The following ZNF324B variants were observed in gnomAD, a reference collection of about 807,000 sequenced individuals.
ZNF324B encodes zinc finger protein 324B.
A neutral mutation model predicts 10.6 loss-of-function variants in ZNF324B; 7 were observed. The observed-to-expected ratio is 0.66, with a 90% CI of 0.38 to 1.24. The LOEUF (loss-of-function observed/expected upper bound fraction) is 1.24, where lower values mean the gene tolerates loss of function less well. Among genes scored for constraint, ZNF324B ranks in the 50% most tolerant of loss-of-function variants. The pLI, the probability that ZNF324B is intolerant of heterozygous loss-of-function variation, is 0.02. For missense variants in ZNF324B, 640 were observed against 764.7 expected, an observed-to-expected ratio of 0.84 and a Z score of 1.92; for synonymous variants, 316 against 321.0, an observed-to-expected ratio of 0.98 and a Z score of 0.17.
At chr19:58,426,031 T>C in the ZNF324B span, among the ~76,000 whole-genome samples, 2 of 152,204 alleles carry the variant, frequency 1.3e-5, no homozygotes, top group Non-Finnish European at 2.9e-5. Flanking sequence ...ATTGAGGGTA[T>C]AGTGATTCCT....
the ZNF324B span, chr19:58,432,948 G>A: frequency 6.0e-6 from 1 of 166,268 alleles, no homozygotes; most frequent in Non-Finnish European, 1.3e-5. Context: ...CACAAGGAAT[G>A]TGCATCTTCC....
chr19:58,445,550 T>C, the ZNF324B span: 4 of 508,208 alleles, frequency 7.9e-6, no homozygotes, highest in African/African-American at 7.8e-5. Flanking sequence ...GTGTGGTGGC[T>C]CATGCCTGTA....
intron 3 of ZNF324B, chr19:58,454,915 C>A (rs1197974976): frequency 1.6e-6 from 1 of 611,484 alleles, no homozygotes; most frequent in African/African-American, 1.8e-5. Context: ...GGGTGGCACG[C>A]AGCAGCTGCT....
chr19:58,456,178 C>T lies in ZNF324B; in HGVS notation c.1234C>T (p.Leu412Phe), dbSNP rs2052918621. ...TGCTGCCTTCAGCCAGGGCTCCTCG[C>T]TCTTTTTGCACCAGCGCGTGCACAC... ...CGAAFSQGSS[L>F]FLHQRVHTGE... The change falls in exon 4 of 4, where the codon CTC (leucine) becomes TTC (phenylalanine). Residue 412 changes from leucine (L) to phenylalanine (F), a missense_variant. Leu to Phe is a conservative substitution (Grantham distance 22). Transcript: ENST00000336614. The surrounding 1 kb of genome is among the most constrained non-coding windows in gnomAD (Gnocchi z 4.7). 3 of 1,613,338 alleles carry T rather than the reference C, an allele frequency of 1.9e-6. No individual in the cohort carries two copies. In the East Asian group the frequency reaches 6.7e-5, roughly 36 times the overall value.
At chr19:58,431,805 C>T in the ZNF324B span, among the ~76,000 whole-genome samples, 4 of 152,156 alleles carry the variant, frequency 2.6e-5, no homozygotes, top group Non-Finnish European at 4.4e-5. Flanking sequence ...TCCTGGCTAA[C>T]ATGGTGAAAA....
chr19:58,438,826 A>G, the ZNF324B span, among the ~76,000 whole-genome samples: 4 of 150,990 alleles, frequency 2.6e-5, no homozygotes, highest in Non-Finnish European at 4.4e-5. Context: ...GCTGGAGCGC[A>G]GTGGCACGAT....
upstream of ZNF324B, among the ~76,000 whole-genome samples, chr19:58,447,489 G>A (rs2122328259): frequency 6.6e-6 from 1 of 152,258 alleles, no homozygotes; most frequent in South Asian, 2.1e-4. Flanking sequence ...TAAGTATTAA[G>A]TAATTAACAT....
chr19:58,439,095 A>T, the ZNF324B span, among the ~76,000 whole-genome samples: 1 of 152,076 alleles, frequency 6.6e-6, no homozygotes, highest in Non-Finnish European at 1.5e-5. Flanking sequence ...TTAACATTTC[A>T]CTTTCTTTCA....
the ZNF324B span, chr19:58,430,684 G>A: frequency 6.6e-6 from 1 of 152,230 alleles, no homozygotes; most frequent in Non-Finnish European, 1.5e-5. Flanking sequence ...TTTCTCTACT[G>A]TGAATTTTTT....
At chr19:58,422,774 C>T in the ZNF324B span, among the ~76,000 whole-genome samples, 4 of 152,054 alleles carry the variant, frequency 2.6e-5, no homozygotes, top group Non-Finnish European at 5.9e-5. Context: ...CACATTCTTC[C>T]TCTTCTGCCC....
the ZNF324B span, chr19:58,436,915 C>T: frequency 2.4e-6 from 3 of 1,248,364 alleles, no homozygotes; most frequent in Non-Finnish European, 3.5e-6. Context: ...AACCTCAGCA[C>T]CCCAGCACCT....
chr19:58,439,020 C>T, the ZNF324B span, among the ~76,000 whole-genome samples: 5 of 149,754 alleles, frequency 3.3e-5, no homozygotes, highest in Admixed American at 6.7e-5. Context: ...GTGATCTGGC[C>T]GCCTTGGCCT....
the ZNF324B span, chr19:58,443,113 A>G: frequency 1.3e-5 from 2 of 152,234 alleles, no homozygotes; most frequent in Admixed American, 1.3e-4. Flanking sequence ...CTAGACACAG[A>G]GTGCTGATTG....
At chr19:58,439,492 A>G in the ZNF324B span, among the ~76,000 whole-genome samples, 148 of 152,288 alleles carry the variant, frequency 9.7e-4, no homozygotes, top group Non-Finnish European at 1.7e-3. Flanking sequence ...TCACCACTAA[A>G]CAAGGTACAC....
the ZNF324B span, chr19:58,434,227 C>G: frequency 6.2e-7 from 1 of 1,614,074 alleles, no homozygotes; most frequent in Non-Finnish European, 8.5e-7. Context: ...ACCACATTGA[C>G]TGCACTCATA....
the ZNF324B span, chr19:58,435,229 CCA>C: frequency 6.3e-7 from 1 of 1,589,284 alleles, no homozygotes; most frequent in Non-Finnish European, 8.6e-7. Context: ...TAGAGAAATG[CCA>C]GTTAACTAAG....
chr19:58,425,069 C>T, the ZNF324B span, among the ~76,000 whole-genome samples: 4 of 151,988 alleles, frequency 2.6e-5, no homozygotes, highest in Admixed American at 6.6e-5. Flanking sequence ...GCATTGCCAA[C>T]GTAATGAAAC....
At position 58,453,365 on chromosome 19, in the gene ZNF324B, C is replaced by G. The variant is rs1460097901; in HGVS notation, c.-6-331C>G. The stretch of plus-strand genomic sequence containing the variant: ...TATTACAAAAGCAAGAAGGGCACAT[C>G]TGGGGAGGGTCATGAATGGTCATGC... On this transcript the variant is annotated intron_variant, in intron 1 of 3. Transcript: ENST00000336614. 1.0e-5 allele frequency: 4 copies of G among 399,540 alleles called. No individual in the cohort carries two copies. In the East Asian group the frequency reaches 2.2e-4, roughly 22 times the overall value. The allele number at this position is 399,540 out of a possible 1,614,324, so 24.7% of individuals were successfully genotyped here.
intron 1 of ZNF324B, 139 bp from the exon 2 acceptor site, chr19:58,453,557 G>C: frequency 2.5e-6 from 3 of 1,190,336 alleles, no homozygotes; most frequent in South Asian, 2.7e-5. Context: ...GGTGAGGGAA[G>C]TGCCACCTGA....
Sources: allele counts gnomAD v4.1 joint callset (sites outside exome capture counted in the v4.1 genomes callset), GRCh38; gene constraint gnomAD v4.1.1; non-coding constraint Gnocchi (gnomAD v3.1); transcripts MANE v1.5; gene names NCBI Gene and HGNC (gene_info 2026-07-23, HGNC 2026-07-21).